The following ATF7IP variants were observed in gnomAD, a reference collection of about 807,000 sequenced individuals.
ATF7IP encodes the protein activating transcription factor 7 interacting protein.
In ATF7IP, 23 loss-of-function variants were observed where a neutral mutation model predicts 106.4. That is an observed-to-expected ratio of 0.22 (90% confidence interval 0.16 to 0.31). The LOEUF is 0.31. ATF7IP is among the 10% of genes least tolerant of loss of function. ATF7IP has a pLI of 1.00. For synonymous variants in ATF7IP, 542 were observed against 539.0 expected, an observed-to-expected ratio of 1.01 and a Z score of -0.08; for missense variants, 1,334 against 1,524.3, an observed-to-expected ratio of 0.88 and a Z score of 2.08.
At chr12:14,381,611 T>G (rs1029245385) in intron 1 of ATF7IP, among the ~76,000 whole-genome samples, 16 of 152,134 alleles carry the variant, frequency 1.1e-4, no homozygotes, top group Admixed American at 7.2e-4. Flanking sequence ...ATTTATGTAG[T>G]TTTAGTGGGA....
At chr12:14,439,471 A>G (rs1049004787) in intron 5 of ATF7IP, among the ~76,000 whole-genome samples, 2 of 152,230 alleles carry the variant, frequency 1.3e-5, no homozygotes, top group Non-Finnish European at 2.9e-5. Flanking sequence ...GAAGATTTGA[A>G]AGAATAATTT....
At chr12:14,381,476 C>G (rs978436754) in intron 1 of ATF7IP, among the ~76,000 whole-genome samples, 26 of 152,106 alleles carry the variant, frequency 1.7e-4, no homozygotes, top group Non-Finnish European at 3.7e-4. Flanking sequence ...AGTGGTCTGC[C>G]CACTTTGGCC....
At chr12:14,471,855 C>T (rs1038533502) in intron 10 of ATF7IP, among the ~76,000 whole-genome samples, 1 of 152,114 alleles carries the variant, frequency 6.6e-6, no homozygotes, top group African/African-American at 2.4e-5. Context: ...GAGACATAGC[C>T]AAACCATATA....
chr12:14,473,289 T>TG (rs1164643010), intron 10 of ATF7IP, among the ~76,000 whole-genome samples: 1 of 16,514 alleles, frequency 6.1e-5, no homozygotes, highest in African/African-American at 7.6e-4. Flanking sequence ...TCTCTCTCTC[T>TG]CTGTGTGTGT....
rs990418354 is a variant in ATF7IP at position 14,403,249 on chromosome 12, A to G, written c.-7-20660A>G. On this transcript the variant is annotated intron_variant, in intron 1 of 14. Coordinates refer to ENST00000261168, the MANE Select transcript of ATF7IP (RefSeq NM_018179.5). ...TTAAGAAATGAGTTAATTTTTGTTT[A>G]CCCCTTTTATATTGTCAATAAATTT... 2.6e-5 allele frequency among the ~76,000 whole-genome samples: 4 copies of G among 151,766 alleles called. 1 individual carries two copies. The highest frequency in any genetic ancestry group is 4.4e-5 in the Non-Finnish European group (3 of 67,898).
intron 1 of ATF7IP, chr12:14,367,515 C>G (rs1482477942): frequency 6.6e-6 from 1 of 152,074 alleles, no homozygotes; most frequent in Non-Finnish European, 1.5e-5. Flanking sequence ...CTACCACATG[C>G]TATTTCAGGC....
At chr12:14,497,491 A>AC (rs1945047015) in intron 14 of ATF7IP, among the ~76,000 whole-genome samples, 163 bp from the exon 15 acceptor site, 1 of 151,910 alleles carries the variant, frequency 6.6e-6, no homozygotes, top group African/African-American at 2.4e-5. Context: ...TCATTACAAA[A>AC]CCCCAAATAG....
rs149904055 is a variant in ATF7IP, at chr12:14,469,828, G to T, written c.2862+3238G>T. Among the ~76,000 whole-genome samples, 379 of 152,322 alleles carry T rather than the reference G, an allele frequency of 2.5e-3. 2 individuals are homozygous for T. Among genetic ancestry groups the T allele is most frequent in the Non-Finnish European group, 3.8e-3 (258 of 68,030 alleles). Reference sequence around the variant, plus strand: ...AGAGAGATCAGGCAAAGACTTCCAAGTCGTCTGTCTGGGATCGCACAGAAT... The same window carrying T: ...AGAGAGATCAGGCAAAGACTTCCAATTCGTCTGTCTGGGATCGCACAGAAT... On this transcript the variant is annotated intron_variant, in intron 10 of 14. Transcript: ENST00000261168.
intron 13 of ATF7IP, among the ~76,000 whole-genome samples, chr12:14,491,286 A>C (rs577663824): frequency 1.8e-4 from 27 of 152,356 alleles, no homozygotes; most frequent in Non-Finnish European, 3.7e-4. Context: ...TGCCTCCAAC[A>C]TCCAAATAGG....
chr12:14,485,923 C>G (rs1165087628), intron 13 of ATF7IP, among the ~76,000 whole-genome samples: 1 of 152,146 alleles, frequency 6.6e-6, no homozygotes, highest in African/African-American at 2.4e-5. Context: ...CAAGCACCGC[C>G]CCTGCATCTT....
chr12:14,494,234 C>A (rs1040050282), intron 13 of ATF7IP, among the ~76,000 whole-genome samples: 188 of 140,066 alleles, frequency 1.3e-3, no homozygotes, highest in African/African-American at 4.6e-3. Flanking sequence ...GGACCCCATT[C>A]CTGGTACCAA....
intron 2 of ATF7IP, among the ~76,000 whole-genome samples, chr12:14,432,905 C>T (rs922933923): frequency 6.6e-6 from 1 of 151,974 alleles, no homozygotes; most frequent in African/African-American, 2.4e-5. Flanking sequence ...TTTTTTGTAG[C>T]TCCCTTATTC....
intron 1 of ATF7IP, among the ~76,000 whole-genome samples, chr12:14,395,439 A>G (rs1939785255): frequency 6.6e-6 from 1 of 152,186 alleles, no homozygotes; most frequent in African/African-American, 2.4e-5. Context: ...TTTAAAATGT[A>G]ATTTTCATCT....
intron 13 of ATF7IP, among the ~76,000 whole-genome samples, chr12:14,483,184 G>C (rs1486158477): frequency 3.3e-5 from 5 of 152,168 alleles, no homozygotes; most frequent in Admixed American, 6.5e-5. Context: ...GCTGGTCGTG[G>C]TTTATTCCTG....
rs1474023917 is a variant in ATF7IP, at chr12:14,386,266, A to G, written c.-8+20439A>G. Among the ~76,000 whole-genome samples the G allele has an allele frequency of 2.0e-5, 3 of 152,292 alleles. No individual in the cohort carries two copies. The East Asian group carries it at 5.8e-4, about 29-fold the overall frequency. On this transcript the variant is annotated intron_variant, in intron 1 of 14. Coordinates refer to ENST00000261168, the MANE Select transcript of ATF7IP (RefSeq NM_018179.5). ...TTCTTAACATCGTTCTGGAGTAGAA[A>G]TGTTTATTGAGATACTGTAAGTCTG...
intron 1 of ATF7IP, among the ~76,000 whole-genome samples, chr12:14,415,636 A>G (rs1355668488): frequency 6.6e-6 from 1 of 151,744 alleles, no homozygotes; most frequent in Non-Finnish European, 1.5e-5. Context: ...TGATCACTTG[A>G]TAACTTACTC....
rs552634578 is a variant in ATF7IP, at chr12:14,452,460, A to G, written c.1996-4101A>G. ...CATTGCTTTTTGTTTTTCTTTTGGT[A>G]TAGTAGTGTGCTTTCATTCCTTTTA... On this transcript the variant is annotated intron_variant, in intron 6 of 14. Coordinates refer to ENST00000261168, the MANE Select transcript of ATF7IP (RefSeq NM_018179.5). 5.3e-5 allele frequency among the ~76,000 whole-genome samples: 8 copies of G among 151,292 alleles called. No individual in the cohort carries two copies. The East Asian group carries it at 1.4e-3, about 26-fold the overall frequency.
chr12:14,420,182 G>C (rs888400796), intron 1 of ATF7IP: 5 of 152,210 alleles, frequency 3.3e-5, no homozygotes, highest in African/African-American at 1.2e-4. Context: ...TTTGAGTATA[G>C]TATAGGTTGG....
chr12:14,408,892 G>A (rs771955614), intron 1 of ATF7IP, among the ~76,000 whole-genome samples: 15 of 152,098 alleles, frequency 9.9e-5, no homozygotes, highest in Non-Finnish European at 1.8e-4. Flanking sequence ...TGTACATAGC[G>A]CATCATTCTT....
Sources: gnomAD v4.1 joint callset for allele counts (sites outside exome capture counted in the v4.1 genomes callset) on GRCh38, gnomAD v4.1.1 for gene constraint, MANE v1.5 for transcripts, NCBI Gene and HGNC (gene_info 2026-07-23, HGNC 2026-07-21) for gene names.